Variants in MIER2 observed in about 807,000 individuals in gnomAD.
MIER2 encodes the protein MIER family member 2.
Under a neutral mutation model 67.6 loss-of-function variants are expected in MIER2, and 30 were observed. The observed-to-expected ratio is 0.44, with a 90% CI of 0.33 to 0.60. MIER2 has a LOEUF of 0.60. Ranked by LOEUF, MIER2 falls within the 20% of genes least tolerant of loss-of-function variation. MIER2 has a pLI of 0.02. For missense variants in MIER2, 702 were observed against 745.1 expected, an observed-to-expected ratio of 0.94 and a Z score of 0.67; for synonymous variants, 372 against 312.6, an observed-to-expected ratio of 1.19 and a Z score of -2.00.
Position 312,289 on chromosome 19 carries a change from T to C in MIER2, c.808-17A>G, listed in dbSNP as rs781241881. 1.6e-5 allele frequency: 25 copies of C among 1,612,708 alleles called. No homozygotes were observed. The highest frequency in any genetic ancestry group is 1.3e-4 in the Admixed American group (8 of 59,976). ...GTACAGCGCCTGGGGAGAGGACATGTTGGCTCTTCCATGGGCTCAGCGCAG... is the reference window on the plus strand; with the variant it reads ...GTACAGCGCCTGGGGAGAGGACATGCTGGCTCTTCCATGGGCTCAGCGCAG... On this transcript the variant is annotated splice_polypyrimidine_tract_variant and intron_variant, in intron 8 of 13. Transcript: ENST00000264819.
chr19:308,404 G>A lies in MIER2; in HGVS notation c.1198+173C>T, dbSNP rs1355522549. Among the ~76,000 whole-genome samples the A allele has an allele frequency of 6.6e-6, 1 of 152,146 alleles. No homozygotes were observed. The highest frequency in any genetic ancestry group is 2.4e-5 in the African/African-American group (1 of 41,430). ...CCCTGCCCTCCCCTCTCCCAGCCAG[G>A]TGTACAGAGCGGCATCCACATCACG... On this transcript the variant is annotated intron_variant, in intron 12 of 13. Transcript: ENST00000264819. This position sits in a 1 kb window ranked among gnomAD's most constrained non-coding sequence, Gnocchi z 9.1.
chr19:337,928 C>T lies in MIER2; in HGVS notation c.10-1755G>A, dbSNP rs556710760. On this transcript the variant is annotated intron_variant, in intron 1 of 13. Coordinates refer to ENST00000264819, the MANE Select transcript of MIER2 (RefSeq NM_017550.3). ...GTGGCTCACGCCTGTAATCCCAGCA[C>T]TTTGGGAGGCCGAGGTGGGCAGATC... is the stretch of plus-strand genomic sequence containing the variant. 1.1e-4 allele frequency among the ~76,000 whole-genome samples: 16 copies of T among 144,122 alleles called. No individual in the cohort carries two copies. In the South Asian group the frequency reaches 3.3e-3, roughly 30 times the overall value. 94.5% of individuals were successfully genotyped at this position (144,122 alleles called of 152,430 possible). A position where few individuals can be genotyped will look rare whatever the true frequency, so the allele number is the denominator to read the frequency against.
intron 1 of MIER2, among the ~76,000 whole-genome samples, chr19:337,242 T>G (rs1355429679): frequency 6.6e-6 from 1 of 152,096 alleles, no homozygotes; most frequent in Non-Finnish European, 1.5e-5. Flanking sequence ...CCAAGTAAGA[T>G]TTACCGCAGG....
rs2289869 is a variant in MIER2 at position 308,662 on chromosome 19, G to A, written c.1113C>T (p.Asp371=). 9.7e-4 allele frequency: 1,549 copies of A among 1,601,780 alleles called. 22 individuals are homozygous for A. The East Asian group carries it at 0.03, about 31-fold the overall frequency. The stretch of plus-strand genomic sequence containing the variant: ...CGCTGCCATCCAGGTCCTGGTCTGC[G>A]TCCCTGTGGGGAGAGGGCGCCATGA... ...RRKYVPSGTT[D]ADQDLDGSDP... Residue 371 remains aspartate (D), a synonymous_variant, in exon 12 of 14, where the codon GAC becomes GAT. Transcript: ENST00000264819. The surrounding 1 kb of genome is among the most constrained non-coding windows in gnomAD (Gnocchi z 9.1).
At chr19:338,189 A>G (rs1298635792) in intron 1 of MIER2, among the ~76,000 whole-genome samples, 1 of 139,012 alleles carries the variant, frequency 7.2e-6, no homozygotes, top group East Asian at 1.9e-4. Flanking sequence ...AAAAAAAAAA[A>G]AAAAAAAAAG....
Position 308,601 on chromosome 19 carries a change from C to A in MIER2, c.1174G>T (p.Asp392Tyr). 6.2e-7 allele frequency: 1 copy of A among 1,606,628 alleles called. No homozygotes were observed. Among genetic ancestry groups the A allele is most frequent in the Non-Finnish European group, 8.5e-7 (1 of 1,177,832 alleles). Residue 392 changes from aspartate (D) to tyrosine (Y), a missense_variant, in exon 12 of 14, where the codon GAC becomes TAC. Physicochemically the swap from Asp to Tyr is radical, Grantham distance 160. This residue lies in a region of MIER2 where 254 missense variants were observed against 262.8 expected (regional missense o/e 0.97). Transcript: ENST00000264819. The surrounding 1 kb of genome is among the most constrained non-coding windows in gnomAD (Gnocchi z 9.1). ...CCTGTGCGCATCCCAGTCAGGGTGT[C>A]TTGCTCCGGGCGCGGACGGCCGGGG... ...DGPGRPRPEQ[D>Y]TLTGMRTDPL... is the part of the protein sequence containing the mutation.
intron 1 of MIER2, among the ~76,000 whole-genome samples, chr19:339,833 G>T (rs1972425299): frequency 6.6e-6 from 1 of 152,038 alleles, no homozygotes; most frequent in South Asian, 2.1e-4. Context: ...GGTTTGGGGA[G>T]TGACCACTAA....
intron 7 of MIER2, among the ~76,000 whole-genome samples, chr19:319,320 C>T (rs996662201): frequency 2.6e-5 from 4 of 152,108 alleles, no homozygotes; most frequent in African/African-American, 9.7e-5. Flanking sequence ...CAATATTGCA[C>T]CACTGAACTC....
At position 308,896 on chromosome 19, in the gene MIER2, G is replaced by C. The variant is rs566019073; in HGVS notation, c.1014C>G (p.Val338=). 1.8e-5 allele frequency: 29 copies of C among 1,608,946 alleles called. No individual in the cohort carries two copies. The highest frequency in any genetic ancestry group is 2.5e-5 in the Non-Finnish European group (29 of 1,176,634). The part of the protein sequence containing the change: ...KVRTRSVGEC[V]EYYYLWKKSE... Reference sequence around the variant, plus strand: ...ACTTCTTCCACAGGTAGTAGTACTCGACACACTCGCCCACTGACCGTGTGC... The same window carrying C: ...ACTTCTTCCACAGGTAGTAGTACTCCACACACTCGCCCACTGACCGTGTGC... The change falls in exon 11 of 14, where the codon GTC becomes GTG. Residue 338 remains valine (V), a synonymous_variant. Transcript: ENST00000264819. This position sits in a 1 kb window ranked among gnomAD's most constrained non-coding sequence, Gnocchi z 9.1.
intron 3 of MIER2, among the ~76,000 whole-genome samples, chr19:329,665 G>C (rs1251960986): frequency 6.6e-6 from 1 of 152,090 alleles, no homozygotes; most frequent in African/African-American, 2.4e-5. Flanking sequence ...GAGGCAGGCG[G>C]ATCACGAGAT....
chr19:343,746 G>T, intron 1 of MIER2: 1 of 729,318 alleles, frequency 1.4e-6, no homozygotes, highest in Non-Finnish European at 1.7e-6. Context: ...TAACTTCTGC[G>T]CACAGAAGTC....
Position 308,680 on chromosome 19 carries a change from C to T in MIER2, c.1110-15G>A, listed in dbSNP as rs749346124. The T allele has an allele frequency of 3.0e-5, 48 of 1,599,488 alleles. No homozygotes were observed. Among genetic ancestry groups the T allele is most frequent in the Non-Finnish European group, 3.5e-5 (41 of 1,174,538 alleles). On this transcript the variant is annotated splice_polypyrimidine_tract_variant and intron_variant, in intron 11 of 13. Coordinates refer to ENST00000264819, the MANE Select transcript of MIER2 (RefSeq NM_017550.3). This position sits in a 1 kb window ranked among gnomAD's most constrained non-coding sequence, Gnocchi z 9.1. ...GGTCTGCGTCCCTGTGGGGAGAGGG[C>T]GCCATGAGGGGCGGCAGACAGGACA...
intron 7 of MIER2, among the ~76,000 whole-genome samples, chr19:318,744 A>G (rs1208660269): frequency 6.6e-6 from 1 of 152,188 alleles, no homozygotes. Flanking sequence ...TTCTGACCAC[A>G]GTGTAATTCA....
chr19:309,116 G>A (rs1970804481), intron 10 of MIER2, among the ~76,000 whole-genome samples, 191 bp from the exon 11 acceptor site: 1 of 152,040 alleles, frequency 6.6e-6, no homozygotes, highest in Non-Finnish European at 1.5e-5. Flanking sequence ...CAGGGAACAG[G>A]GGCTCGGAGC....
intron 6 of MIER2, among the ~76,000 whole-genome samples, chr19:325,914 C>T (rs780213485): frequency 3.3e-5 from 5 of 152,342 alleles, no homozygotes; most frequent in Admixed American, 6.5e-5. Flanking sequence ...TGTGTCCTGA[C>T]GCCTGGCCTG....
At chr19:315,618 A>G (rs946260654) in intron 7 of MIER2, among the ~76,000 whole-genome samples, 1 of 152,252 alleles carries the variant, frequency 6.6e-6, no homozygotes, top group Admixed American at 6.5e-5. Flanking sequence ...AACACAGCAC[A>G]AAACACAATT....
intron 13 of MIER2, 134 bp from the exon 14 acceptor site, chr19:306,845 G>T: frequency 7.1e-7 from 1 of 1,399,926 alleles, no homozygotes; most frequent in Non-Finnish European, 9.8e-7. Flanking sequence ...CGGGCCCGGG[G>T]TGCCCTGAGG....
At chr19:313,779 C>A (rs187085155) in intron 7 of MIER2, 136 bp from the exon 8 acceptor site, 2 of 1,256,226 alleles carry the variant, frequency 1.6e-6, no homozygotes, top group Non-Finnish European at 2.2e-6. Flanking sequence ...AGCCCTGGGC[C>A]GCCATCCCTG....
Position 317,458 on chromosome 19 carries a change from C to T in MIER2, c.656-3815G>A, listed in dbSNP as rs200170820. Among the ~76,000 whole-genome samples, 12 of 151,684 alleles carry T rather than the reference C, an allele frequency of 7.9e-5. No individual in the cohort carries two copies. The East Asian group carries it at 2.1e-3, about 27-fold the overall frequency. The stretch of plus-strand genomic sequence containing the variant: ...AGGAGAATGGCGTGAACCCGGGAGG[C>T]GGAGCTTGCAGTGAGCTGAGATCGC... On this transcript the variant is annotated intron_variant, in intron 7 of 13. Coordinates refer to ENST00000264819, the MANE Select transcript of MIER2 (RefSeq NM_017550.3).
Sources: allele counts gnomAD v4.1 joint callset (sites outside exome capture counted in the v4.1 genomes callset), GRCh38; gene constraint gnomAD v4.1.1; regional missense constraint gnomAD v4.1.1; non-coding constraint Gnocchi (gnomAD v3.1); transcripts MANE v1.5; gene names NCBI Gene and HGNC (gene_info 2026-07-23, HGNC 2026-07-21).